Variants in RELN observed in about 807,000 individuals in gnomAD.
The protein encoded by RELN is reelin.
A neutral mutation model predicts 427.6 loss-of-function variants in RELN; 108 were observed. The ratio of observed to expected loss-of-function variants is 0.25; its 90% CI spans 0.22 to 0.30. The LOEUF (loss-of-function observed/expected upper bound fraction) is 0.30, where lower values mean the gene tolerates loss of function less well. RELN is among the 10% of genes least tolerant of loss of function. RELN has a pLI of 1.00. For missense variants in RELN, 3,715 were observed against 4,302.8 expected (o/e 0.86, Z 3.82); for synonymous variants, 1,524 against 1,513.4 (o/e 1.01, Z -0.16).
intron 3 of RELN, among the ~76,000 whole-genome samples, chr7:103,812,580 T>C (rs1212138980): frequency 2.0e-5 from 3 of 152,196 alleles, no homozygotes; most frequent in Admixed American, 2.0e-4. Flanking sequence ...CTATTGCAGT[T>C]TATAGCTGGC....
Position 103,661,476 on chromosome 7 carries a change from T to C in RELN, c.1341A>G (p.Ser447=), listed in dbSNP as rs1562945044. The change falls in exon 12 of 65, where the codon TCA becomes TCG. Residue 447 remains serine, a synonymous_variant. Coordinates refer to ENST00000428762, the MANE Select transcript of RELN (RefSeq NM_005045.4). ...CTTTGAGGAAGACCATTGATAAGCC[T>C]GATTCTATCGTTCCACATTCTGTAC... ...VIGTECGTIE[S]GLSMVFLKDG... 1 of 1,613,692 alleles carries C rather than the reference T, an allele frequency of 6.2e-7. No homozygotes were observed. The highest frequency in any genetic ancestry group is 2.2e-5 in the East Asian group (1 of 44,790).
chr7:103,571,460 T>C (rs1484151563), intron 31 of RELN, among the ~76,000 whole-genome samples: 1 of 152,152 alleles, frequency 6.6e-6, no homozygotes, highest in Admixed American at 6.5e-5. Flanking sequence ...TGGAGTTCAG[T>C]GCAAGGAGAG....
At chr7:103,677,410 TAATAATA>T (rs1833557799) in intron 11 of RELN, among the ~76,000 whole-genome samples, 2 of 57,938 alleles carry the variant, frequency 3.5e-5, no homozygotes, top group Non-Finnish European at 6.5e-5. Flanking sequence ...TAAAGTATAA[TAATAATA>T]ATAATAATAA....
At position 103,986,330 on chromosome 7, in the gene RELN, A is replaced by C. The variant is rs1018492303; in HGVS notation, c.226+2801T>G. On this transcript the variant is annotated intron_variant, in intron 1 of 64. Transcript: ENST00000428762. Reference sequence around the variant, plus strand: ...AGTTGCCAGTACTGAAAATAGATGGATATACTACTTAATGTAAAAATCTGT... The same window carrying C: ...AGTTGCCAGTACTGAAAATAGATGGCTATACTACTTAATGTAAAAATCTGT... Among the ~76,000 whole-genome samples, 4 of 152,244 alleles carry C rather than the reference A, an allele frequency of 2.6e-5. No individual in the cohort carries two copies. The East Asian group carries it at 7.7e-4, about 29-fold the overall frequency.
intron 59 of RELN, 128 bp from the exon 60 acceptor site, chr7:103,490,027 C>T (rs1040102865): frequency 5.7e-6 from 6 of 1,058,432 alleles, no homozygotes; most frequent in African/African-American, 3.1e-5. Context: ...TCCTGAAGCA[C>T]CCTGCTGGCA....
In RELN at chr7:103,561,563, A is replaced by G. The variant is rs766824018; in HGVS notation, c.5498T>C (p.Ile1833Thr). 9.3e-6 allele frequency: 15 copies of G among 1,613,722 alleles called. No homozygotes were observed. In the Admixed American group the frequency reaches 2.5e-4, roughly 27 times the overall value. The stretch of plus-strand genomic sequence containing the variant: ...AAAAATTAGAGATGTTCCAGATTTG[A>G]TGGTTTCACCATTCAGATTCCCCCT... ...AERGNLNGET[I>T]KSGTSLIFKG... The change falls in exon 36 of 65, where the codon ATC becomes ACC. Residue 1833 changes from isoleucine (I) to threonine (T), a missense_variant. By Grantham distance (89) the Ile-to-Thr change is moderately conservative. Transcript: ENST00000428762.
intron 3 of RELN, among the ~76,000 whole-genome samples, chr7:103,816,151 G>T (rs1039209782): frequency 1.3e-5 from 2 of 152,148 alleles, no homozygotes; most frequent in Non-Finnish European, 2.9e-5. Context: ...GGCCGAGGTG[G>T]GTGGATCATT....
intron 24 of RELN, among the ~76,000 whole-genome samples, chr7:103,602,028 T>C (rs1439337448): frequency 6.6e-6 from 1 of 152,168 alleles, no homozygotes; most frequent in Non-Finnish European, 1.5e-5. Context: ...AGACAGCTGG[T>C]CAGTTCTCTA....
intron 3 of RELN, 34 bp downstream of exon 3, chr7:103,833,503 T>A (rs1793324743): frequency 6.3e-7 from 1 of 1,596,220 alleles, no homozygotes. Context: ...AGTATTTGCC[T>A]TCTGTACGTA....
rs1298016667 is a variant in RELN, at chr7:103,626,202, T to C, written c.2702+3738A>G. On this transcript the variant is annotated intron_variant, in intron 20 of 64. Coordinates refer to ENST00000428762, the MANE Select transcript of RELN (RefSeq NM_005045.4). The surrounding 1 kb of genome is among the most constrained non-coding windows in gnomAD (Gnocchi z 4.4). ...CAAAATTCCTCTTTAGTTAAAATTATCTGGCTTTAATTTTACAAGCTTCTA... is the reference window on the plus strand; with the variant it reads ...CAAAATTCCTCTTTAGTTAAAATTACCTGGCTTTAATTTTACAAGCTTCTA... 6.6e-6 allele frequency among the ~76,000 whole-genome samples: 1 copy of C among 152,152 alleles called. No homozygotes were observed. The highest frequency in any genetic ancestry group is 1.5e-5 in the Non-Finnish European group (1 of 67,998).
At chr7:103,782,467 A>G (rs1416051206) in intron 3 of RELN, among the ~76,000 whole-genome samples, 3 of 152,070 alleles carry the variant, frequency 2.0e-5, no homozygotes, top group Admixed American at 6.6e-5. Flanking sequence ...AATAATAACT[A>G]TTACTTCAAG....
At chr7:103,967,008 C>T (rs1212269793) in intron 1 of RELN, among the ~76,000 whole-genome samples, 2 of 152,192 alleles carry the variant, frequency 1.3e-5, no homozygotes, top group South Asian at 2.1e-4. Flanking sequence ...TGTAACTTCC[C>T]TGTGACCTTT....
At chr7:103,825,687 G>A (rs1053919519) in intron 3 of RELN, among the ~76,000 whole-genome samples, 3 of 152,192 alleles carry the variant, frequency 2.0e-5, no homozygotes, top group South Asian at 2.1e-4. Flanking sequence ...TAATGGAAAC[G>A]TTCTACATTT....
At chr7:103,914,780 C>T (rs980071486) in intron 2 of RELN, among the ~76,000 whole-genome samples, 2 of 152,034 alleles carry the variant, frequency 1.3e-5, no homozygotes, top group Non-Finnish European at 2.9e-5. Flanking sequence ...AACTCTTATC[C>T]CCCCACATCT....
rs1365787245 is a variant in RELN, at chr7:103,724,804, A to G, written c.754-1613T>C. On this transcript the variant is annotated intron_variant, in intron 7 of 64. Transcript: ENST00000428762. Reference sequence around the variant, plus strand: ...TATCAGCTACAAGAAAGAACAGGAAAGATGAAGGAAAAAAAAAAAGAAGCA... The same window carrying G: ...TATCAGCTACAAGAAAGAACAGGAAGGATGAAGGAAAAAAAAAAAGAAGCA... Among the ~76,000 whole-genome samples the G allele has an allele frequency of 3.3e-5, 5 of 152,026 alleles. 1 individual carries two copies. In the South Asian group the frequency reaches 6.2e-4, roughly 19 times the overall value.
chr7:103,588,447 A>G (rs1015710949), intron 28 of RELN, among the ~76,000 whole-genome samples: 25 of 152,148 alleles, frequency 1.6e-4, no homozygotes, highest in African/African-American at 6.0e-4. Flanking sequence ...AACATACAGT[A>G]AGATAGAAGG....
At chr7:103,708,793 G>T (rs1026894703) in intron 8 of RELN, among the ~76,000 whole-genome samples, 1 of 152,050 alleles carries the variant, frequency 6.6e-6, no homozygotes, top group Non-Finnish European at 1.5e-5. Flanking sequence ...TCTCTTACAC[G>T]ATTCGGGCCT....
intron 1 of RELN, among the ~76,000 whole-genome samples, chr7:103,986,378 G>A (rs981858195): frequency 6.6e-6 from 1 of 152,056 alleles, no homozygotes; most frequent in African/African-American, 2.4e-5. Flanking sequence ...AGACTCGAAA[G>A]CTCCAGATTT....
chr7:103,790,485 T>A (rs1247319637), intron 3 of RELN, among the ~76,000 whole-genome samples: 1 of 152,106 alleles, frequency 6.6e-6, no homozygotes, highest in Non-Finnish European at 1.5e-5. Flanking sequence ...CCTGGGGTAG[T>A]CAAAATATGG....
Sources: gnomAD v4.1 joint callset for allele counts (sites outside exome capture counted in the v4.1 genomes callset) on GRCh38, gnomAD v4.1.1 for gene constraint, Gnocchi (gnomAD v3.1) non-coding constraint, MANE v1.5 for transcripts, NCBI Gene and HGNC (gene_info 2026-07-23, HGNC 2026-07-21) for gene names.